Variants in CNIH3 observed in about 807,000 individuals in gnomAD.
CNIH3 encodes cornichon family AMPA receptor auxiliary protein 3.
Under a neutral mutation model 24.1 loss-of-function variants are expected in CNIH3, and 14 were observed. The observed-to-expected ratio is 0.58, with a 90% CI of 0.38 to 0.91. CNIH3 has a LOEUF of 0.91. CNIH3 is among the 40% of genes least tolerant of loss of function. The probability of loss-of-function intolerance (pLI) is 0.00; values close to 1 mark genes in which losing one functional copy is unlikely to be tolerated. For synonymous variants in CNIH3, 68 were observed against 73.8 expected, an observed-to-expected ratio of 0.92 and a Z score of 0.40; for missense variants, 178 against 196.8, an observed-to-expected ratio of 0.90 and a Z score of 0.57.
chr1:224,568,057 C>T (rs569164039), intron 4 of CNIH3, among the ~76,000 whole-genome samples: 15 of 152,222 alleles, frequency 9.9e-5, no homozygotes, highest in Admixed American at 2.0e-4. Flanking sequence ...TTTGGGAGGA[C>T]AAGGCGGGCG....
intron 1 of CNIH3, 113 bp from the exon 2 acceptor site, chr1:224,680,845 T>A (rs535797569): frequency 5.8e-5 from 45 of 781,884 alleles, no homozygotes; most frequent in South Asian, 5.3e-4. Context: ...TCTCATGCCA[T>A]CTACAGCCTC....
chr1:224,713,872 G>A (rs1163964136), intron 3 of CNIH3, among the ~76,000 whole-genome samples: 1 of 152,140 alleles, frequency 6.6e-6, no homozygotes, highest in Non-Finnish European at 1.5e-5. Context: ...CTGGAATGCA[G>A]TGGCATAATC....
chr1:224,440,222 C>CATT (rs1399851782), intron 1 of CNIH3, among the ~76,000 whole-genome samples: 92 of 151,990 alleles, frequency 6.1e-4, no homozygotes, highest in African/African-American at 1.2e-3. Context: ...CACCTGGCTG[C>CATT]ATTATTATTA....
Position 224,443,696 on chromosome 1 carries a change from TAG to T in CNIH3, n.203+8836_203+8837del, listed in dbSNP as rs200452356. ...ATAGATAGATAGATATCTATAGATA[TAG>T]ATATATATATATATTTTTTTAGGCT... On this transcript the variant is annotated intron_variant and non_coding_transcript_variant, in intron 1 of 5. Coordinates refer to the CNIH3 transcript ENST00000471578. Among the ~76,000 whole-genome samples the T allele has an allele frequency of 4.9e-3, 585 of 119,926 alleles. 4 individuals carry two copies. The highest frequency in any genetic ancestry group is 0.015 in the African/African-American group (538 of 35,726). The allele number at this position is 119,926 out of a possible 152,430, so 78.7% of individuals were successfully genotyped here. A position where few individuals can be genotyped will look rare whatever the true frequency, so the allele number is the denominator to read the frequency against.
At chr1:224,455,025 T>C (rs1205040886) in intron 1 of CNIH3, among the ~76,000 whole-genome samples, 1 of 152,156 alleles carries the variant, frequency 6.6e-6, no homozygotes, top group Non-Finnish European at 1.5e-5. Flanking sequence ...AAGTCGAAAA[T>C]GCATTTAATC....
At chr1:224,555,696 G>A (rs1166710453) in intron 3 of CNIH3, among the ~76,000 whole-genome samples, 4 of 152,168 alleles carry the variant, frequency 2.6e-5, no homozygotes, top group Admixed American at 2.0e-4. Context: ...TTGGCATAAC[G>A]TTACTTTTGG....
At chr1:224,666,501 A>G (rs543895473) in intron 1 of CNIH3, among the ~76,000 whole-genome samples, 2 of 152,324 alleles carry the variant, frequency 1.3e-5, no homozygotes, top group South Asian at 4.1e-4. Context: ...GTACATAGGT[A>G]TCCTCCTGGT....
intron 5 of CNIH3, among the ~76,000 whole-genome samples, chr1:224,735,562 C>T (rs368932811): frequency 2.0e-5 from 3 of 152,260 alleles, no homozygotes; most frequent in South Asian, 2.1e-4. Context: ...GAGGAGGGGT[C>T]GGGATGTTGG....
At chr1:224,463,705 C>T (rs1404177081) in intron 1 of CNIH3, among the ~76,000 whole-genome samples, 1 of 149,682 alleles carries the variant, frequency 6.7e-6, no homozygotes, top group African/African-American at 2.5e-5. Context: ...CCGTGCCCGG[C>T]CTGATACAAG....
At chr1:224,502,869 T>G (rs1677736704) in intron 1 of CNIH3, among the ~76,000 whole-genome samples, 1 of 152,152 alleles carries the variant, frequency 6.6e-6, no homozygotes, top group East Asian at 1.9e-4. Flanking sequence ...CCCAGAGACA[T>G]AAAAGGTGGA....
chr1:224,589,123 T>C (rs964029154), downstream of CNIH3, among the ~76,000 whole-genome samples: 2 of 152,062 alleles, frequency 1.3e-5, no homozygotes, highest in African/African-American at 4.8e-5. Flanking sequence ...AATGCGCGAG[T>C]TGAAACTTTC....
chr1:224,554,022 A>C (rs1213620276), intron 3 of CNIH3, among the ~76,000 whole-genome samples: 1 of 152,144 alleles, frequency 6.6e-6, no homozygotes, highest in Non-Finnish European at 1.5e-5. Flanking sequence ...TTTTATTACC[A>C]TAGACATAAA....
chr1:224,711,475 C>T (rs745840565), intron 3 of CNIH3, among the ~76,000 whole-genome samples: 16 of 151,888 alleles, frequency 1.1e-4, no homozygotes, highest in African/African-American at 2.7e-4. Flanking sequence ...CATGAGCCAC[C>T]GTGCCTAGCT....
At chr1:224,513,280 C>A (rs546346404), upstream of CNIH3, among the ~76,000 whole-genome samples, 1 of 143,814 alleles carries the variant, frequency 7.0e-6, no homozygotes, top group East Asian at 2.0e-4. Flanking sequence ...CACTGAGTAG[C>A]TGGGACTATA....
At chr1:224,665,405 G>A (rs575726651) in intron 1 of CNIH3, among the ~76,000 whole-genome samples, 3 of 152,312 alleles carry the variant, frequency 2.0e-5, no homozygotes, top group South Asian at 2.1e-4. Flanking sequence ...AGTTTAAAAC[G>A]TTTTATATTT....
At chr1:224,575,213 G>A (rs56403019) in intron 4 of CNIH3, 189,235 of 1,305,982 alleles carry the variant, frequency 0.14, 15,852 homozygotes, top group East Asian at 0.18. Flanking sequence ...AGAGGAACTT[G>A]GTGGTGATCC....
intron 1 of CNIH3, among the ~76,000 whole-genome samples, chr1:224,649,070 G>A (rs1374571535): frequency 6.6e-6 from 1 of 152,202 alleles, no homozygotes; most frequent in Non-Finnish European, 1.5e-5. Flanking sequence ...GGCAGACTGA[G>A]GGACCCCCAA....
chr1:224,522,911 T>C (rs1678697468), intron 2 of CNIH3, among the ~76,000 whole-genome samples: 1 of 152,184 alleles, frequency 6.6e-6, no homozygotes, highest in Non-Finnish European at 1.5e-5. Flanking sequence ...CTCCTAGGTC[T>C]ATGTGTGCGT....
chr1:224,476,295 TG>T (rs1484465813), intron 1 of CNIH3, among the ~76,000 whole-genome samples: 2 of 152,224 alleles, frequency 1.3e-5, no homozygotes, highest in African/African-American at 4.8e-5. Context: ...AAATTAGCCT[TG>T]TTTGCAGATA....
Sources: gnomAD v4.1 joint callset for allele counts (sites outside exome capture counted in the v4.1 genomes callset) on GRCh38, gnomAD v4.1.1 for gene constraint, MANE v1.5 for transcripts, NCBI Gene and HGNC (gene_info 2026-07-23, HGNC 2026-07-21) for gene names.